The following DGKB variants were observed in gnomAD, a reference collection of about 807,000 sequenced individuals.
The protein encoded by DGKB is 90 kDa diacylglycerol kinase.
Under a neutral mutation model 114.3 loss-of-function variants are expected in DGKB, and 67 were observed. The observed-to-expected ratio is 0.59, with a 90% CI of 0.48 to 0.72. DGKB has a LOEUF of 0.72. Ranked by LOEUF, DGKB falls within the 30% of genes least tolerant of loss-of-function variation. DGKB has a pLI of 0.00. For synonymous variants in DGKB, 398 were observed against 323.1 expected, an observed-to-expected ratio of 1.23 and a Z score of -2.49; for missense variants, 907 against 975.2, an observed-to-expected ratio of 0.93 and a Z score of 0.93.
At chr7:14,339,129 G>C (rs79674087) in intron 22 of DGKB, among the ~76,000 whole-genome samples, 2,429 of 151,780 alleles carry the variant, frequency 0.016, 57 homozygotes, top group African/African-American at 0.056. Context: ...ACTATTGGGG[G>C]AAAGTACAGA....
chr7:14,852,328 T>G (rs1849463014), intron 1 of DGKB, among the ~76,000 whole-genome samples: 1 of 151,614 alleles, frequency 6.6e-6, no homozygotes, highest in Non-Finnish European at 1.5e-5. Flanking sequence ...TAATTTACCA[T>G]TCTTACATTA....
At chr7:14,272,727 A>T (rs1034435125) in intron 23 of DGKB, among the ~76,000 whole-genome samples, 1 of 152,190 alleles carries the variant, frequency 6.6e-6, no homozygotes, top group African/African-American at 2.4e-5. Flanking sequence ...TCCCGTAAGA[A>T]CTAGGAGATG....
intron 21 of DGKB, among the ~76,000 whole-genome samples, chr7:14,354,039 A>G (rs1814003084): frequency 6.6e-6 from 1 of 152,198 alleles, no homozygotes; most frequent in African/African-American, 2.4e-5. Context: ...GTGAGTGGTA[A>G]GTTGACACTT....
chr7:14,711,787 C>A (rs1357128703), intron 6 of DGKB, among the ~76,000 whole-genome samples: 1 of 152,030 alleles, frequency 6.6e-6, no homozygotes, highest in East Asian at 1.9e-4. Context: ...TCTTTGAGTT[C>A]TGCAAAAGTG....
chr7:14,753,661 C>T (rs758153691), intron 4 of DGKB, among the ~76,000 whole-genome samples: 43 of 152,034 alleles, frequency 2.8e-4, no homozygotes, highest in Non-Finnish European at 5.0e-4. Context: ...AAATAAATTC[C>T]AGAGTCTACA....
At chr7:14,430,006 C>T (rs1190327120) in intron 21 of DGKB, among the ~76,000 whole-genome samples, 1 of 152,118 alleles carries the variant, frequency 6.6e-6, no homozygotes, top group African/African-American at 2.4e-5. Flanking sequence ...GGTGTGGCTT[C>T]ACTTGGGAAA....
At chr7:14,861,393 T>G (rs1287181142) in intron 1 of DGKB, among the ~76,000 whole-genome samples, 1 of 152,002 alleles carries the variant, frequency 6.6e-6, no homozygotes, top group East Asian at 1.9e-4. Context: ...CCAAAAAAAT[T>G]GTTAGCAATA....
At chr7:14,502,365 C>A (rs886127937) in intron 20 of DGKB, among the ~76,000 whole-genome samples, 6 of 151,902 alleles carry the variant, frequency 3.9e-5, no homozygotes, top group African/African-American at 1.5e-4. Flanking sequence ...CCCCAGCTGC[C>A]AGAGCTAATG....
intron 20 of DGKB, among the ~76,000 whole-genome samples, chr7:14,509,902 G>T (rs1322523205): frequency 3.3e-5 from 5 of 152,182 alleles, no homozygotes; most frequent in African/African-American, 1.2e-4. Flanking sequence ...ACTTGGCCAG[G>T]CATGGTGGCT....
chr7:14,607,537 T>A (rs1563662100), intron 16 of DGKB, 29 bp from the exon 17 acceptor site: 3 of 1,018,504 alleles, frequency 2.9e-6, no homozygotes, highest in East Asian at 2.5e-5. Context: ...GGGGAAAAAA[T>A]TTAATAATAT....
At chr7:14,707,535 T>C (rs959301541) in intron 6 of DGKB, among the ~76,000 whole-genome samples, 4 of 100,882 alleles carry the variant, frequency 4.0e-5, no homozygotes, top group African/African-American at 1.1e-4. Flanking sequence ...TTTAGACCAA[T>C]ATCCTTGATG....
chr7:14,254,193 G>C (rs931619186), intron 23 of DGKB, among the ~76,000 whole-genome samples: 1 of 152,162 alleles, frequency 6.6e-6, no homozygotes, highest in Admixed American at 6.5e-5. Context: ...CAAGATTTGA[G>C]TTGAAAGCAT....
At chr7:14,580,122 A>G (rs1799709156) in intron 19 of DGKB, among the ~76,000 whole-genome samples, 1 of 152,282 alleles carries the variant, frequency 6.6e-6, no homozygotes, top group South Asian at 2.1e-4. Context: ...CTCCATCGAC[A>G]CTATTTCAGT....
intron 1 of DGKB, among the ~76,000 whole-genome samples, chr7:14,875,684 T>C (rs1428580773): frequency 6.6e-6 from 1 of 152,216 alleles, no homozygotes; most frequent in Non-Finnish European, 1.5e-5. Flanking sequence ...GCCTGTGACA[T>C]TTTAATCCCA....
intron 12 of DGKB, among the ~76,000 whole-genome samples, chr7:14,681,341 T>G (rs1310969543): frequency 6.6e-6 from 1 of 151,914 alleles, no homozygotes; most frequent in East Asian, 1.9e-4. Context: ...TTGCAGAAAA[T>G]GTATTCATTT....
At chr7:14,834,300 G>C (rs535979569) in intron 2 of DGKB, among the ~76,000 whole-genome samples, 1 of 152,200 alleles carries the variant, frequency 6.6e-6, no homozygotes, top group African/African-American at 2.4e-5. Flanking sequence ...TAAAGAAATT[G>C]TGATGACTTG....
chr7:14,628,184 C>T (rs561552481), intron 14 of DGKB, among the ~76,000 whole-genome samples: 9 of 152,126 alleles, frequency 5.9e-5, no homozygotes, highest in African/African-American at 2.2e-4. Flanking sequence ...GTAAAACTTA[C>T]CTTGTAATTG....
chr7:14,366,493 C>T (rs976840467), intron 21 of DGKB, among the ~76,000 whole-genome samples: 1 of 152,124 alleles, frequency 6.6e-6, no homozygotes, highest in Non-Finnish European at 1.5e-5. Context: ...GGCATTTGAC[C>T]TATGGGAAGC....
chr7:14,687,816 G>A (rs1180256025), intron 9 of DGKB, among the ~76,000 whole-genome samples: 1 of 152,138 alleles, frequency 6.6e-6, no homozygotes, highest in South Asian at 2.1e-4. Context: ...GAGCACATAT[G>A]GAGTAAGTTA....
Sources: allele counts gnomAD v4.1 joint callset (sites outside exome capture counted in the v4.1 genomes callset), GRCh38; gene constraint gnomAD v4.1.1; transcripts MANE v1.5; gene names NCBI Gene and HGNC (gene_info 2026-07-23, HGNC 2026-07-21).